Variants in NOX5 observed in about 807,000 individuals in gnomAD.
NOX5 encodes NADPH oxidase 5, also known as NADPH oxidase, EF-hand calcium binding domain 5.
NOX5 carries 76 observed loss-of-function variants against 85.7 expected under a neutral mutation model. The ratio of observed to expected loss-of-function variants is 0.89; its 90% CI spans 0.74 to 1.07. The LOEUF is 1.07. Ranked by LOEUF, NOX5 falls within the 50% of genes least tolerant of loss-of-function variation. The pLI is 0.00. For missense variants in NOX5, 973 were observed against 999.5 expected, an observed-to-expected ratio of 0.97 and a Z score of 0.36; for synonymous variants, 405 against 401.4, an observed-to-expected ratio of 1.01 and a Z score of -0.11.
At chr15:69,016,922 G>T (rs1054367912) in intron 1 of NOX5, among the ~76,000 whole-genome samples, 6 of 151,996 alleles carry the variant, frequency 3.9e-5, no homozygotes, top group African/African-American at 1.5e-4. Context: ...TCCAAAGTTA[G>T]CCTGAAAAAC....
Position 69,047,425 on chromosome 15 carries a change from G to C in NOX5, c.1705G>C (p.Gly569Arg), listed in dbSNP as rs1422615402. 6.2e-6 allele frequency: 10 copies of C among 1,613,330 alleles called. No individual in the cohort carries two copies. Among genetic ancestry groups the C allele is most frequent in the Non-Finnish European group, 8.5e-6 (10 of 1,179,852 alleles). Residue 569 changes from glycine to arginine, a missense_variant, in exon 12 of 16, where the codon GGG becomes CGG. Physicochemically the swap from Gly to Arg is moderately radical, Grantham distance 125. Transcript: ENST00000388866. ...CTCTTGTGCACAGTGCTACATCGATGGGCCTTATGGGACCCCCACCCGCAG... is the reference window on the plus strand; with the variant it reads ...CTCTTGTGCACAGTGCTACATCGATCGGCCTTATGGGACCCCCACCCGCAG... ...KFCNIKCYIDGPYGTPTRRIF... is the reference protein window; with the variant it reads ...KFCNIKCYIDRPYGTPTRRIF...
chr15:69,048,846 T>C, intron 13 of NOX5, 113 bp from the exon 14 acceptor site: 3 of 667,004 alleles, frequency 4.5e-6, no homozygotes, highest in Non-Finnish European at 7.7e-6. Flanking sequence ...AATGGGTATC[T>C]GAATGTTCCC....
chr15:69,047,240 A>G, intron 11 of NOX5, 173 bp from the exon 12 acceptor site: 1 of 770,720 alleles, frequency 1.3e-6, no homozygotes, highest in Non-Finnish European at 2.0e-6. Context: ...TGGTGCTGAG[A>G]GCACAGGATG....
chr15:69,041,509 C>A (rs1340233633), intron 9 of NOX5, among the ~76,000 whole-genome samples: 1 of 152,132 alleles, frequency 6.6e-6, no homozygotes, highest in African/African-American at 2.4e-5. Flanking sequence ...TTAATGATAC[C>A]TCTGACTTTT....
chr15:69,021,996 A>T (rs2050301074), intron 1 of NOX5, among the ~76,000 whole-genome samples: 1 of 152,236 alleles, frequency 6.6e-6, no homozygotes, highest in Non-Finnish European at 1.5e-5. Flanking sequence ...AGCACAGTGC[A>T]CATGCTTGGT....
rs2050817124 is a variant in NOX5 at position 69,056,724 on chromosome 15, T to A, written c.*28T>A. On this transcript the variant is annotated 3_prime_UTR_variant, in exon 16 of 16. Coordinates refer to ENST00000388866, the MANE Select transcript of NOX5 (RefSeq NM_024505.4). ...TCACCTCTCCAAGCTCTGCCCCAAG[T>A]CCACACCATGGGTCTGCTTCATTGC... is the stretch of plus-strand genomic sequence containing the variant. 1 of 1,611,636 alleles carries A rather than the reference T, an allele frequency of 6.2e-7. No homozygotes were observed. Among genetic ancestry groups the A allele is most frequent in the Non-Finnish European group, 8.5e-7 (1 of 1,179,216 alleles).
chr15:69,056,878 A>G lies in NOX5; in HGVS notation c.*182A>G, dbSNP rs1340862033. The G allele has an allele frequency of 4.7e-6, 3 of 635,310 alleles. No homozygotes were observed. In the East Asian group the frequency reaches 9.0e-5, roughly 19 times the overall value. 39.4% of individuals were successfully genotyped at this position (635,310 alleles called of 1,614,324 possible). A position where few individuals can be genotyped will look rare whatever the true frequency, so the allele number is the denominator to read the frequency against. On this transcript the variant is annotated 3_prime_UTR_variant, in exon 16 of 16. Transcript: ENST00000388866. ...CAAGGGGCAGATGAACTTCCTCTAG[A>G]ACCCAGGGGAAGGGACAGTGCCTTG...
intron 14 of NOX5, among the ~76,000 whole-genome samples, chr15:69,051,853 A>T (rs573733619): frequency 8.8e-4 from 132 of 150,792 alleles, no homozygotes; most frequent in Middle Eastern, 3.5e-3. Context: ...TTTTTTTTTT[A>T]AAAAAAGATT....
chr15:69,045,568 CTTCCCTTTCTTTCT>C (rs149325175), intron 10 of NOX5, among the ~76,000 whole-genome samples: 18 of 48,364 alleles, frequency 3.7e-4, no homozygotes, highest in Admixed American at 7.2e-4. Flanking sequence ...TTCTTTCTTT[CTTCCCTTTCTTTCT>C]TTTCTTTCTT....
intron 14 of NOX5, among the ~76,000 whole-genome samples, chr15:69,050,116 G>A (rs1368935342): frequency 1.3e-5 from 2 of 152,128 alleles, no homozygotes; most frequent in African/African-American, 2.4e-5. Flanking sequence ...CTTTCACTTA[G>A]CATAATACCT....
intron 10 of NOX5, among the ~76,000 whole-genome samples, chr15:69,044,804 G>A (rs2050641537): frequency 6.6e-6 from 1 of 152,198 alleles, no homozygotes; most frequent in Non-Finnish European, 1.5e-5. Flanking sequence ...CATTTTTAAA[G>A]CTAACATTAT....
Position 69,057,733 on chromosome 15 carries a change from C to T in NOX5, c.*1037C>T, listed in dbSNP as rs16952759. 7,457 of 152,334 alleles carry T rather than the reference C, an allele frequency of 0.049. 447 individuals carry two copies. The highest frequency in any genetic ancestry group is 0.19 in the East Asian group (964 of 5,188). 9.4% of individuals were successfully genotyped at this position (152,334 alleles called of 1,614,324 possible). On this transcript the variant is annotated 3_prime_UTR_variant, in exon 16 of 16. Transcript: ENST00000388866. Reference sequence around the variant, plus strand: ...ATCTGTGAAATAAGCTGATGCCATCCGTCAGTCACAGTTGCTGTGAGGTGA... The same window carrying T: ...ATCTGTGAAATAAGCTGATGCCATCTGTCAGTCACAGTTGCTGTGAGGTGA...
At chr15:69,028,115 C>T (rs1488795853) in intron 2 of NOX5, 100 bp from the exon 3 acceptor site, 7 of 1,263,474 alleles carry the variant, frequency 5.5e-6, no homozygotes, top group Non-Finnish European at 7.5e-6. Context: ...CTGTGGTGCA[C>T]CCCCCCACCA....
Position 69,042,687 on chromosome 15 carries a change from C to T in NOX5, c.1529C>T (p.Ser510Phe). 1 of 1,613,870 alleles carries T rather than the reference C, an allele frequency of 6.2e-7. No homozygotes were observed. Among genetic ancestry groups the T allele is most frequent in the South Asian group, 1.1e-5 (1 of 91,066 alleles). The change falls in exon 10 of 16, where the codon TCC becomes TTC. Residue 510 changes from serine (S) to phenylalanine (F), a missense_variant. By Grantham distance (155) the Ser-to-Phe change is radical. Coordinates refer to ENST00000388866, the MANE Select transcript of NOX5 (RefSeq NM_024505.4). Reference protein sequence around the residue: ...QKDTIWLHIRSQGQWTNRLYE... With the variant: ...QKDTIWLHIRFQGQWTNRLYE... ...GACACTATCTGGCTGCACATTCGGT[C>T]CCAAGGCCAGTGGACAAACAGGCTG...
intron 1 of NOX5, among the ~76,000 whole-genome samples, chr15:69,016,448 C>A (rs2050233348): frequency 6.6e-6 from 1 of 152,176 alleles, no homozygotes; most frequent in Admixed American, 6.5e-5. Flanking sequence ...GAGTGAGAAC[C>A]TAGACAGGTG....
rs779569273 is a variant in NOX5 at position 69,035,455 on chromosome 15, C to T, written c.957C>T (p.Tyr319=). The T allele has an allele frequency of 5.6e-6, 9 of 1,614,158 alleles. No individual in the cohort carries two copies. The highest frequency in any genetic ancestry group is 2.2e-5 in the East Asian group (1 of 44,882). ...QNIQFHQLMG[Y]VVVGLSLVHT... is the part of the protein sequence containing the mutation. ...TCCAGTTCCACCAGCTTATGGGCTACGTGGTAGTGGGGCTGTCCCTCGTGC... is the reference window on the plus strand; with the variant it reads ...TCCAGTTCCACCAGCTTATGGGCTATGTGGTAGTGGGGCTGTCCCTCGTGC... The change falls in exon 6 of 16, where the codon TAC becomes TAT. Residue 319 remains tyrosine (Y), a synonymous_variant. Transcript: ENST00000388866.
chr15:69,036,074 C>T (rs2050513200), intron 7 of NOX5, 138 bp downstream of exon 7: 2 of 1,199,682 alleles, frequency 1.7e-6, no homozygotes. Flanking sequence ...GATTTGGGAC[C>T]TGCTGCTGTG....
Position 69,050,741 on chromosome 15 carries a change from T to C in NOX5, c.1999+1683T>C, listed in dbSNP as rs373186813. Among the ~76,000 whole-genome samples the C allele has an allele frequency of 4.6e-5, 7 of 152,208 alleles. No homozygotes were observed. The East Asian group carries it at 7.7e-4, about 17-fold the overall frequency. ...ACTTCGTTCTGGTGCACAGTTAAAT[T>C]ATGTAAGACTGTGGATCTTCTTGAG... On this transcript the variant is annotated intron_variant, in intron 14 of 15. Coordinates refer to ENST00000388866, the MANE Select transcript of NOX5 (RefSeq NM_024505.4).
At chr15:69,038,569 A>G (rs565199849) in intron 8 of NOX5, among the ~76,000 whole-genome samples, 1 of 152,330 alleles carries the variant, frequency 6.6e-6, no homozygotes, top group African/African-American at 2.4e-5. Context: ...GGGATACGTC[A>G]CAGAGGGTCC....
Sources: allele counts gnomAD v4.1 joint callset (sites outside exome capture counted in the v4.1 genomes callset), GRCh38; gene constraint gnomAD v4.1.1; transcripts MANE v1.5; gene names NCBI Gene and HGNC (gene_info 2026-07-23, HGNC 2026-07-21).